CCSER1: variants seen among roughly 807,000 people sequenced by gnomAD.
CCSER1 encodes the protein coiled-coil serine rich protein 1.
CCSER1 carries 41 observed loss-of-function variants against 82.0 expected under a neutral mutation model. That is an observed-to-expected ratio of 0.50 (90% CI 0.39 to 0.65). The LOEUF is 0.65. Ranked by LOEUF, CCSER1 falls within the 30% of genes least tolerant of loss-of-function variation. The pLI is 0.00. For missense variants in CCSER1, 1,119 were observed against 1,064.2 expected, an observed-to-expected ratio of 1.05 and a Z score of -0.72; for synonymous variants, 414 against 383.9, an observed-to-expected ratio of 1.08 and a Z score of -0.92.
intron 6 of CCSER1, among the ~76,000 whole-genome samples, chr4:90,688,503 C>T (rs1031625072): frequency 3.9e-5 from 6 of 151,960 alleles, no homozygotes; most frequent in African/African-American, 1.5e-4. Context: ...ATACTTGTTA[C>T]CATATCAAAA....
intron 1 of CCSER1, among the ~76,000 whole-genome samples, chr4:90,257,798 C>T (rs926866502): frequency 6.6e-6 from 1 of 152,006 alleles, no homozygotes; most frequent in South Asian, 2.1e-4. Flanking sequence ...ATTGTAGCTC[C>T]CAGACAGTCA....
rs139901749 is a variant in CCSER1, at chr4:90,442,648, G to T, written c.1604-25586G>T. Among the ~76,000 whole-genome samples the T allele has an allele frequency of 4.3e-3, 653 of 152,278 alleles. 6 individuals are homozygous for T. Among genetic ancestry groups the T allele is most frequent in the African/African-American group, 0.015 (633 of 41,566 alleles). The stretch of plus-strand genomic sequence containing the variant: ...TAGACACAGGAAAGCAAGAATTGAG[G>T]CAAGTTTTGACGATGTGCTGATAAG... On this transcript the variant is annotated intron_variant, in intron 4 of 10. Coordinates refer to ENST00000509176, the MANE Select transcript of CCSER1 (RefSeq NM_001145065.2).
chr4:90,130,478 A>G (rs1042317020), intron 1 of CCSER1, among the ~76,000 whole-genome samples: 3 of 152,236 alleles, frequency 2.0e-5, no homozygotes, highest in African/African-American at 4.8e-5. Context: ...AATATAAGGT[A>G]TAAGATGCAA....
At chr4:90,982,114 G>A (rs917299553) in intron 9 of CCSER1, among the ~76,000 whole-genome samples, 3 of 151,886 alleles carry the variant, frequency 2.0e-5, no homozygotes, top group Admixed American at 2.0e-4. Flanking sequence ...ATCATAAACT[G>A]GGTGGCTTAA....
At chr4:91,170,061 G>A (rs1732590899) in intron 10 of CCSER1, among the ~76,000 whole-genome samples, 1 of 152,100 alleles carries the variant, frequency 6.6e-6, no homozygotes. Flanking sequence ...ATCTGCTTCT[G>A]TAGGAAGCAG....
chr4:90,291,361 G>A (rs890638086), intron 1 of CCSER1, among the ~76,000 whole-genome samples: 1 of 151,904 alleles, frequency 6.6e-6, no homozygotes, highest in African/African-American at 2.4e-5. Context: ...GGTCGCCAAG[G>A]CAGAACTACC....
chr4:91,411,509 T>TATATATATATATATATATATACACACAC (rs1753039172), intron 10 of CCSER1, among the ~76,000 whole-genome samples: 1 of 68,582 alleles, frequency 1.5e-5, no homozygotes, highest in African/African-American at 4.7e-5. Flanking sequence ...TATATATATA[T>TATATATATATATATATATATACACACAC]ATATATATAT....
rs369849530 is a variant in CCSER1 at position 91,601,926 on chromosome 4, C to T, written c.*2869C>T. The stretch of plus-strand genomic sequence containing the variant: ...ACATGAAACTGTATTTCTATGAACT[C>T]AATGATTTTTTTCCATAAAATTATA... On this transcript the variant is annotated 3_prime_UTR_variant, in exon 11 of 11. Transcript: ENST00000509176. 1.3e-5 allele frequency: 2 copies of T among 151,964 alleles called. No homozygotes were observed. The highest frequency in any genetic ancestry group is 4.8e-5 in the African/African-American group (2 of 41,418). 9.4% of individuals were successfully genotyped at this position (151,964 alleles called of 1,614,324 possible).
At chr4:90,470,745 AT>A in intron 5 of CCSER1, among the ~76,000 whole-genome samples, 1 of 122,502 alleles carries the variant, frequency 8.2e-6, no homozygotes, top group East Asian at 2.8e-4. Flanking sequence ...ATAATTTCTC[AT>A]TCCTTTTAAT....
At chr4:90,467,075 G>A (rs1362877757) in intron 4 of CCSER1, among the ~76,000 whole-genome samples, 1 of 152,064 alleles carries the variant, frequency 6.6e-6, no homozygotes, top group Non-Finnish European at 1.5e-5. Flanking sequence ...CACATTGAAT[G>A]AAATAAAAAA....
chr4:91,177,473 A>G (rs529725707), intron 10 of CCSER1, among the ~76,000 whole-genome samples: 1 of 152,284 alleles, frequency 6.6e-6, no homozygotes, highest in Non-Finnish European at 1.5e-5. Flanking sequence ...TTGGTAGGCT[A>G]CCAATTGTTG....
intron 9 of CCSER1, among the ~76,000 whole-genome samples, chr4:91,048,913 A>G (rs1742754243): frequency 6.6e-6 from 1 of 152,148 alleles, no homozygotes; most frequent in African/African-American, 2.4e-5. Context: ...CCCATGCTTA[A>G]TGATCCATTA....
intron 10 of CCSER1, among the ~76,000 whole-genome samples, chr4:91,516,587 A>C (rs144878778): frequency 0.013 from 2,018 of 152,214 alleles, 32 homozygotes; most frequent in African/African-American, 0.044. Context: ...TTGTATTGGT[A>C]CTATACTGTT....
rs186997488 is a variant in CCSER1 at position 91,007,330 on chromosome 4, C to T, written c.2173-78620C>T. 3.7e-3 allele frequency among the ~76,000 whole-genome samples: 570 copies of T among 152,272 alleles called. 6 individuals carry two copies. The highest frequency in any genetic ancestry group is 0.013 in the African/African-American group (550 of 41,552). ...GAATGATTCAGGAAGAATTTCATCC[C>T]TTCAATTATCTGAAATAGTTTGGGA... On this transcript the variant is annotated intron_variant, in intron 9 of 10. Coordinates refer to ENST00000509176, the MANE Select transcript of CCSER1 (RefSeq NM_001145065.2).
chr4:91,377,145 A>G (rs1432005559), intron 10 of CCSER1, among the ~76,000 whole-genome samples: 1 of 152,110 alleles, frequency 6.6e-6, no homozygotes, highest in Non-Finnish European at 1.5e-5. Context: ...AATCCAGTCT[A>G]TCATTGTTGG....
intron 10 of CCSER1, among the ~76,000 whole-genome samples, chr4:91,174,578 C>A (rs924196097): frequency 6.6e-6 from 1 of 151,998 alleles, no homozygotes; most frequent in Non-Finnish European, 1.5e-5. Context: ...GCCCCACATG[C>A]ATTAGGTATT....
chr4:91,416,458 T>A (rs1753367577), intron 10 of CCSER1, among the ~76,000 whole-genome samples: 1 of 151,688 alleles, frequency 6.6e-6, no homozygotes, highest in South Asian at 2.1e-4. Flanking sequence ...TCAAACTATA[T>A]CACAAGGCTA....
chr4:90,960,191 A>G (rs944820507), intron 9 of CCSER1, among the ~76,000 whole-genome samples: 1 of 152,148 alleles, frequency 6.6e-6, no homozygotes, highest in African/African-American at 2.4e-5. Context: ...TTTTAAAAAA[A>G]GGATTTTACG....
chr4:90,903,621 C>A (rs1310715527), intron 8 of CCSER1, among the ~76,000 whole-genome samples: 1 of 152,104 alleles, frequency 6.6e-6, no homozygotes, highest in Non-Finnish European at 1.5e-5. Context: ...AGCTTTCAGG[C>A]ACCACAATAT....
Sources: allele counts gnomAD v4.1 joint callset (sites outside exome capture counted in the v4.1 genomes callset), GRCh38; gene constraint gnomAD v4.1.1; transcripts MANE v1.5; gene names NCBI Gene and HGNC (gene_info 2026-07-23, HGNC 2026-07-21).